DNAI1: variants seen among roughly 807,000 people sequenced by gnomAD.
The protein encoded by DNAI1 is dynein axonemal intermediate chain 1, also known as dynein, axonemal, intermediate polypeptide 1.
A neutral mutation model predicts 92.0 loss-of-function variants in DNAI1; 67 were observed. That is an observed-to-expected ratio of 0.73 (90% confidence interval 0.60 to 0.89). DNAI1 has a LOEUF of 0.89. Ranked by LOEUF, DNAI1 falls within the 40% of genes least tolerant of loss-of-function variation. The probability of loss-of-function intolerance (pLI) is 0.00; values close to 1 mark genes in which losing one functional copy is unlikely to be tolerated. For synonymous variants in DNAI1, 323 were observed against 319.6 expected (o/e 1.01, Z -0.11); for missense variants, 839 against 866.6 (o/e 0.97, Z 0.40).
At position 34,477,979 on chromosome 9, in the gene DNAI1, C is replaced by T. The variant is rs564231267; in HGVS notation, c.49-5469C>T. 3.6e-3 allele frequency among the ~76,000 whole-genome samples: 505 copies of T among 138,480 alleles called. 5 individuals are homozygous for T. Among genetic ancestry groups the T allele is most frequent in the Non-Finnish European group, 3.2e-3 (209 of 66,030 alleles). The allele number at this position is 138,480 out of a possible 152,430, so 90.8% of individuals were successfully genotyped here. Reference sequence around the variant, plus strand: ...TCAGCTCACTGTGACCTCTGCCTCCCGGGTTCAAGTGATTCTCCTGCCTCA... The same window carrying T: ...TCAGCTCACTGTGACCTCTGCCTCCTGGGTTCAAGTGATTCTCCTGCCTCA... On this transcript the variant is annotated intron_variant, in intron 1 of 19. Transcript: ENST00000242317.
At chr9:34,459,925 A>T (rs1381445780) in intron 1 of DNAI1, among the ~76,000 whole-genome samples, 1 of 152,194 alleles carries the variant, frequency 6.6e-6, no homozygotes, top group Non-Finnish European at 1.5e-5. Flanking sequence ...GAGGAGAGAA[A>T]GGGCAGGCAA....
intron 15 of DNAI1, 24 bp from the exon 16 acceptor site, chr9:34,513,088 C>G: frequency 1.2e-6 from 2 of 1,605,764 alleles, no homozygotes; most frequent in Non-Finnish European, 1.7e-6. Flanking sequence ...CTGGGCTAAG[C>G]CTGCCCCTCC....
chr9:34,513,232 AC>A (rs781754195), intron 16 of DNAI1, 41 bp downstream of exon 16: 3 of 1,492,540 alleles, frequency 2.0e-6, no homozygotes, highest in Admixed American at 3.3e-5. Context: ...GGCCGCTTAG[AC>A]CTGAGCACCT....
chr9:34,459,122 C>T (rs1430560609), intron 1 of DNAI1, 69 bp downstream of exon 1: 139 of 1,383,098 alleles, frequency 1.0e-4, no homozygotes, highest in Non-Finnish European at 1.4e-4. Context: ...CTAATCATAC[C>T]TCTCCTACTG....
At position 34,514,374 on chromosome 9, in the gene DNAI1, C is replaced by T. The variant is rs766827825; in HGVS notation, c.1570-20C>T. 8.1e-6 allele frequency: 13 copies of T among 1,612,702 alleles called. No individual in the cohort carries two copies. The highest frequency in any genetic ancestry group is 1.1e-5 in the Non-Finnish European group (13 of 1,180,030). On this transcript the variant is annotated intron_variant, in intron 16 of 19. Coordinates refer to ENST00000242317, the MANE Select transcript of DNAI1 (RefSeq NM_012144.4). Reference sequence around the variant, plus strand: ...GCTGACCTTTCTCTCACTTCTGACCCCCGTTCCCTCCCCGACCAGTGCTCT... The same window carrying T: ...GCTGACCTTTCTCTCACTTCTGACCTCCGTTCCCTCCCCGACCAGTGCTCT...
chr9:34,511,774 G>A (rs1003662411), intron 13 of DNAI1, among the ~76,000 whole-genome samples: 1 of 152,174 alleles, frequency 6.6e-6, no homozygotes, highest in African/African-American at 2.4e-5. Context: ...GGTTGAAGCC[G>A]TAGCCACTGC....
chr9:34,512,513 G>C (rs969445499), intron 15 of DNAI1, 89 bp downstream of exon 15: 36 of 1,274,122 alleles, frequency 2.8e-5, no homozygotes, highest in Non-Finnish European at 3.8e-5. Flanking sequence ...CCCTGACTGA[G>C]TGCTCCCTCC....
At chr9:34,513,782 C>G (rs1458790302) in intron 16 of DNAI1, among the ~76,000 whole-genome samples, 1 of 152,206 alleles carries the variant, frequency 6.6e-6, no homozygotes, top group Non-Finnish European at 1.5e-5. Flanking sequence ...TCCCCACCCC[C>G]TCTTCACCCC....
intron 4 of DNAI1, among the ~76,000 whole-genome samples, chr9:34,487,479 C>G (rs1824497021): frequency 6.6e-6 from 1 of 152,160 alleles, no homozygotes; most frequent in African/African-American, 2.4e-5. Context: ...GCCACTGCGC[C>G]TGGCCCCAGA....
At chr9:34,498,557 G>T (rs1824768685) in intron 10 of DNAI1, among the ~76,000 whole-genome samples, 1 of 152,260 alleles carries the variant, frequency 6.6e-6, no homozygotes, top group Non-Finnish European at 1.5e-5. Context: ...ATTCAGAAAT[G>T]CTTAAATCCT....
intron 12 of DNAI1, among the ~76,000 whole-genome samples, chr9:34,506,231 G>A (rs1824926833): frequency 6.6e-6 from 1 of 152,164 alleles, no homozygotes; most frequent in African/African-American, 2.4e-5. Context: ...AGGGGTACAT[G>A]GGCATTATCC....
chr9:34,504,948 A>C (rs527895425), intron 12 of DNAI1, among the ~76,000 whole-genome samples: 1 of 152,210 alleles, frequency 6.6e-6, no homozygotes, highest in South Asian at 2.1e-4. Context: ...GGAGCATTGC[A>C]TCCATCCAGC....
At chr9:34,471,040 A>C (rs1177255325) in intron 1 of DNAI1, among the ~76,000 whole-genome samples, 2 of 152,190 alleles carry the variant, frequency 1.3e-5, no homozygotes, top group Non-Finnish European at 2.9e-5. Context: ...GGAAATTAGA[A>C]AATATTTTTA....
At chr9:34,482,326 C>G (rs1274787530) in intron 1 of DNAI1, among the ~76,000 whole-genome samples, 1 of 150,318 alleles carries the variant, frequency 6.7e-6, no homozygotes, top group Non-Finnish European at 1.5e-5. Flanking sequence ...AAACCTTGAG[C>G]TAAACACAGG....
At chr9:34,484,394 T>C (rs1443003190) in intron 2 of DNAI1, among the ~76,000 whole-genome samples, 10 of 152,220 alleles carry the variant, frequency 6.6e-5, no homozygotes, top group African/African-American at 2.4e-5. Flanking sequence ...TTCCAATTGA[T>C]TTTTAGAAAG....
intron 9 of DNAI1, among the ~76,000 whole-genome samples, chr9:34,494,677 G>A (rs1824680062): frequency 6.6e-6 from 1 of 152,202 alleles, no homozygotes; most frequent in East Asian, 1.9e-4. Context: ...CAGAGTTGGT[G>A]TCTAACATCC....
In DNAI1 at chr9:34,506,692, G is replaced by A. The variant is rs1415978896; in HGVS notation, c.1129G>A (p.Glu377Lys). ...LYSLKNPSFPEYMFSSNSGVM... is the reference protein window; with the variant it reads ...LYSLKNPSFPKYMFSSNSGVM... ...CAGCCTGAAGAACCCCAGCTTCCCT[G>A]AGTACATGTTCAGCAGCAACAGCGG... Residue 377 changes from glutamate to lysine, a missense_variant, in exon 13 of 20, where the codon GAG becomes AAG. Coordinates refer to ENST00000242317, the MANE Select transcript of DNAI1 (RefSeq NM_012144.4). 3 of 1,614,080 alleles carry A rather than the reference G, an allele frequency of 1.9e-6. No individual in the cohort carries two copies. Among genetic ancestry groups the A allele is most frequent in the Non-Finnish European group, 2.5e-6 (3 of 1,180,050 alleles).
At chr9:34,517,586 G>A in intron 19 of DNAI1, 119 bp downstream of exon 19, 1 of 1,198,202 alleles carries the variant, frequency 8.3e-7, no homozygotes. Flanking sequence ...CCAGGGTAAG[G>A]ATGGTGTCAT....
rs1255106305 is a variant in DNAI1, at chr9:34,520,806, G to A, written c.*50G>A. ...ATCGCTTGAATACAGTACTCCTAGG[G>A]CTTGACCCTGGTACCCAGCCCAGCC... On this transcript the variant is annotated 3_prime_UTR_variant, in exon 20 of 20. Transcript: ENST00000242317. 4 of 1,532,956 alleles carry A rather than the reference G, an allele frequency of 2.6e-6. No individual in the cohort carries two copies. Among genetic ancestry groups the A allele is most frequent in the Non-Finnish European group, 3.5e-6 (4 of 1,130,366 alleles). The allele number at this position is 1,532,956 out of a possible 1,614,324, so 95.0% of individuals were successfully genotyped here. A position where few individuals can be genotyped will look rare whatever the true frequency, so the allele number is the denominator to read the frequency against.
Sources: gnomAD v4.1 joint callset for allele counts (sites outside exome capture counted in the v4.1 genomes callset) on GRCh38, gnomAD v4.1.1 for gene constraint, MANE v1.5 for transcripts, NCBI Gene and HGNC (gene_info 2026-07-23, HGNC 2026-07-21) for gene names.